The following SCMH1 variants were observed in gnomAD, a reference collection of about 807,000 sequenced individuals.
The protein encoded by SCMH1 is Scm polycomb group protein homolog 1.
A neutral mutation model predicts 70.8 loss-of-function variants in SCMH1; 37 were observed. That is an observed-to-expected ratio of 0.52 (90% CI 0.40 to 0.69). The LOEUF (loss-of-function observed/expected upper bound fraction) is 0.69. Among genes scored for constraint, SCMH1 ranks in the 30% least tolerant of loss-of-function variants. SCMH1 has a pLI of 0.00. For synonymous variants in SCMH1, 292 were observed against 307.4 expected (o/e 0.95, Z 0.52); for missense variants, 607 against 827.3 (o/e 0.73, Z 3.27).
At position 41,153,577 on chromosome 1, in the gene SCMH1, A is replaced by T. The variant is rs547529881; in HGVS notation, c.107-1893T>A. ...CATGGTAATCAATCCCTATTCTGTA[A>T]TGTACACAGGCTAGAAACCTCAGCC... On this transcript the variant is annotated intron_variant, in intron 4 of 14. Coordinates refer to ENST00000337495, the Ensembl canonical transcript of SCMH1. Among the ~76,000 whole-genome samples, 7 of 152,308 alleles carry T rather than the reference A, an allele frequency of 4.6e-5. No individual in the cohort carries two copies. In the East Asian group the frequency reaches 1.2e-3, roughly 25 times the overall value.
Position 41,161,286 on chromosome 1 carries a change from C to T in SCMH1, c.82+78G>A, listed in dbSNP as rs546807450. ...CAATTGAGTTATTTGTAAACTCAGA[C>T]CTCTAACAACGAAGGTTTTATGGGA... On this transcript the variant is annotated intron_variant, in intron 3 of 14. Transcript: ENST00000337495. 8.4e-6 allele frequency: 13 copies of T among 1,543,604 alleles called. No homozygotes were observed. In the East Asian group the frequency reaches 2.7e-4, roughly 32 times the overall value.
At chr1:41,151,427 A>G (rs887942691) in intron 5 of SCMH1, among the ~76,000 whole-genome samples, 187 bp downstream of exon 5, 1 of 152,246 alleles carries the variant, frequency 6.6e-6, no homozygotes, top group African/African-American at 2.4e-5. Context: ...TGAAGGTGGA[A>G]AGAATGTCTG....
At chr1:41,182,545 C>T (rs540773925) in intron 2 of SCMH1, among the ~76,000 whole-genome samples, 1 of 151,862 alleles carries the variant, frequency 6.6e-6, no homozygotes, top group African/African-American at 2.4e-5. Flanking sequence ...AGTGAGACCT[C>T]GTCTCTACAA....
chr1:41,151,734 G>T, intron 4 of SCMH1, 50 bp from the exon 5 acceptor site: 1 of 1,334,446 alleles, frequency 7.5e-7, no homozygotes, highest in Non-Finnish European at 1.1e-6. Context: ...TAAAAAAAAT[G>T]TTTTCAGGGT....
intron 6 of SCMH1, among the ~76,000 whole-genome samples, chr1:41,129,479 T>A (rs1222230197): frequency 1.3e-5 from 2 of 152,222 alleles, no homozygotes; most frequent in Admixed American, 1.3e-4. Flanking sequence ...CTGGCTTATT[T>A]CACTTAGCAT....
intron 1 of SCMH1, among the ~76,000 whole-genome samples, chr1:41,193,444 G>A (rs552221653): frequency 6.6e-6 from 1 of 152,104 alleles, no homozygotes. Flanking sequence ...TACAATCATC[G>A]TGTGATTTTT....
At chr1:41,072,085 G>A (rs1343415329) in intron 9 of SCMH1, among the ~76,000 whole-genome samples, 1 of 152,206 alleles carries the variant, frequency 6.6e-6, no homozygotes, top group African/African-American at 2.4e-5. Context: ...CCTTCTAGGA[G>A]TATGTTCTCT....
At chr1:41,183,975 G>C (rs1407731873) in intron 2 of SCMH1, among the ~76,000 whole-genome samples, 1 of 152,132 alleles carries the variant, frequency 6.6e-6, no homozygotes, top group African/African-American at 2.4e-5. Flanking sequence ...AATGGGTACA[G>C]TTTCAGTTCT....
At position 41,147,327 on chromosome 1, in the gene SCMH1, T is replaced by TG. The variant is rs560803966; in HGVS notation, c.178-4216dup. On this transcript the variant is annotated intron_variant, in intron 5 of 14. Transcript: ENST00000337495. ...AGAGCAGATATCCTTGTCTTGTTCC[T>TG]GATCTTAAGGGGAAAGCATTTAGTC... Among the ~76,000 whole-genome samples, 927 of 152,350 alleles carry TG rather than the reference T, an allele frequency of 6.1e-3. 13 individuals are homozygous for TG. The highest frequency in any genetic ancestry group is 0.021 in the African/African-American group (886 of 41,586).
intron 6 of SCMH1, among the ~76,000 whole-genome samples, chr1:41,130,332 G>C (rs1469248899): frequency 6.6e-6 from 1 of 152,004 alleles, no homozygotes; most frequent in Non-Finnish European, 1.5e-5. Context: ...TCTGTGGGCT[G>C]CCTTTTCACT....
At chr1:41,206,317 C>T (rs1655524518) in intron 1 of SCMH1, among the ~76,000 whole-genome samples, 1 of 152,068 alleles carries the variant, frequency 6.6e-6, no homozygotes, top group East Asian at 1.9e-4. Flanking sequence ...AGATGAATGG[C>T]TAACTAGAAT....
At chr1:41,049,995 G>T (rs954774655) in intron 10 of SCMH1, among the ~76,000 whole-genome samples, 1 of 151,858 alleles carries the variant, frequency 6.6e-6, no homozygotes, top group Non-Finnish European at 1.5e-5. Context: ...GTTCAAGGCT[G>T]CAGTGAGCTG....
At chr1:41,234,911 A>G (rs912009644) in intron 1 of SCMH1, among the ~76,000 whole-genome samples, 4 of 152,008 alleles carry the variant, frequency 2.6e-5, no homozygotes, top group Non-Finnish European at 5.9e-5. Context: ...GTGTTCCCAT[A>G]GTACTTTGAA....
At chr1:41,064,787 G>A (rs1654004272) in intron 10 of SCMH1, among the ~76,000 whole-genome samples, 2 of 151,940 alleles carry the variant, frequency 1.3e-5, no homozygotes. Context: ...CAGGCATGGT[G>A]GCATGTCTGT....
chr1:41,168,141 T>C (rs1303214786), intron 2 of SCMH1, among the ~76,000 whole-genome samples: 1 of 152,104 alleles, frequency 6.6e-6, no homozygotes, highest in Non-Finnish European at 1.5e-5. Flanking sequence ...TTGGGCTTCC[T>C]GGATTTGGCT....
chr1:41,097,361 C>T (rs1665378220), intron 8 of SCMH1, among the ~76,000 whole-genome samples: 1 of 152,192 alleles, frequency 6.6e-6, no homozygotes, highest in African/African-American at 2.4e-5. Flanking sequence ...AGCATTTGAT[C>T]TTAGTCTGCT....
intron 8 of SCMH1, among the ~76,000 whole-genome samples, chr1:41,110,742 G>T (rs950032295): frequency 6.6e-6 from 1 of 152,142 alleles, no homozygotes; most frequent in Non-Finnish European, 1.5e-5. Flanking sequence ...AAATAATGCT[G>T]CCATGAATGT....
At chr1:41,191,367 T>C (rs1048269330) in intron 1 of SCMH1, among the ~76,000 whole-genome samples, 1 of 152,268 alleles carries the variant, frequency 6.6e-6, no homozygotes, top group Non-Finnish European at 1.5e-5. Flanking sequence ...TTATTAAAAT[T>C]AAGTATATTT....
chr1:41,042,378 A>G (rs1646299815), intron 12 of SCMH1, among the ~76,000 whole-genome samples: 1 of 151,882 alleles, frequency 6.6e-6, no homozygotes. Context: ...CCTCCCAAGT[A>G]GCTGGGATTA....
Sources: allele counts gnomAD v4.1 joint callset (sites outside exome capture counted in the v4.1 genomes callset), GRCh38; gene constraint gnomAD v4.1.1; transcripts MANE v1.5; gene names NCBI Gene and HGNC (gene_info 2026-07-23, HGNC 2026-07-21).